Variants in FAM219A observed in about 807,000 individuals in gnomAD.
The protein encoded by FAM219A is family with sequence similarity 219 member A, also known as protein FAM219A.
A neutral mutation model predicts 23.4 loss-of-function variants in FAM219A; 7 were observed. The observed-to-expected ratio is 0.30, with a 90% confidence interval of 0.17 to 0.56. FAM219A has a LOEUF of 0.56. Ranked by LOEUF, FAM219A falls within the 20% of genes least tolerant of loss-of-function variation. The probability of loss-of-function intolerance (pLI) is 0.92; values close to 1 mark genes in which losing one functional copy is unlikely to be tolerated. For synonymous variants in FAM219A, 93 were observed against 99.0 expected (o/e 0.94, Z 0.36); for missense variants, 166 against 246.9 (o/e 0.67, Z 2.20).
chr9:34,438,379 G>A (rs945133191), intron 1 of FAM219A, among the ~76,000 whole-genome samples: 10 of 152,236 alleles, frequency 6.6e-5, no homozygotes, highest in Non-Finnish European at 5.9e-5. Flanking sequence ...GCACCGGTGC[G>A]GGATCCACTG....
At position 34,458,280 on chromosome 9, in the gene FAM219A, C is replaced by G. The variant is rs755590079; in HGVS notation, c.-17G>C. On this transcript the variant is annotated 5_prime_UTR_variant, in exon 1 of 6. Transcript: ENST00000651358. This position sits in a 1 kb window ranked among gnomAD's most constrained non-coding sequence, Gnocchi z 6.6. ...CTCCATCATGGTGCCGGCGGGCGAG[C>G]GGGCCAGGGGCCGGGCGCGGCCGCG... The G allele has an allele frequency of 6.6e-7, 1 of 1,522,730 alleles. No homozygotes were observed. The highest frequency in any genetic ancestry group is 8.8e-7 in the Non-Finnish European group (1 of 1,139,522). The allele number at this position is 1,522,730 out of a possible 1,614,324, so 94.3% of individuals were successfully genotyped here.
intron 1 of FAM219A, among the ~76,000 whole-genome samples, chr9:34,438,038 G>A (rs1222206046): frequency 1.3e-5 from 2 of 152,214 alleles, no homozygotes; most frequent in African/African-American, 4.8e-5. Context: ...TGGCCCTGCC[G>A]GCCAGGGGCA....
chr9:34,400,969 G>C lies in FAM219A; in HGVS notation c.553C>G (p.Gln185Glu). Residue 185 changes from glutamine to glutamate, a missense_variant, in exon 6 of 6, where the codon CAG becomes GAG. Physicochemically the swap from Gln to Glu is conservative, Grantham distance 29. Transcript: ENST00000651358. The stretch of plus-strand genomic sequence containing the variant: ...GACCGCAGTGGCCCCGCCCGCTACT[G>C]AATGTGGCAGGCGGTGGAGGACGTG... ...QATSSTACHI[Q>E] is the part of the protein sequence containing the mutation. 1 of 1,545,462 alleles carries C rather than the reference G, an allele frequency of 6.5e-7. No individual in the cohort carries two copies. Among genetic ancestry groups the C allele is most frequent in the Non-Finnish European group, 8.8e-7 (1 of 1,141,234 alleles).
intron 1 of FAM219A, among the ~76,000 whole-genome samples, chr9:34,448,219 G>C (rs188810425): frequency 1.3e-5 from 2 of 152,274 alleles, no homozygotes; most frequent in East Asian, 3.9e-4. Context: ...TAGCCCCTCA[G>C]TGAAACAGAT....
chr9:34,458,314 C>T lies in FAM219A; in HGVS notation c.-51G>A. 8.1e-7 allele frequency: 1 copy of T among 1,234,342 alleles called. No homozygotes were observed. The allele number at this position is 1,234,342 out of a possible 1,614,324, so 76.5% of individuals were successfully genotyped here. A position where few individuals can be genotyped will look rare whatever the true frequency, so the allele number is the denominator to read the frequency against. On this transcript the variant is annotated 5_prime_UTR_variant, in exon 1 of 6. Transcript: ENST00000651358. The surrounding 1 kb of genome is among the most constrained non-coding windows in gnomAD (Gnocchi z 6.6). ...GGCCGGGCGCGGCCGCGGACGCCGACAGGACCGCGCGGGGCGGCGGCCCCA... is the reference window on the plus strand; with the variant it reads ...GGCCGGGCGCGGCCGCGGACGCCGATAGGACCGCGCGGGGCGGCGGCCCCA...
chr9:34,441,460 G>A (rs1823170586), intron 1 of FAM219A, among the ~76,000 whole-genome samples: 1 of 152,176 alleles, frequency 6.6e-6, no homozygotes. Context: ...AGTGAAGCAG[G>A]GTGGGATACA....
chr9:34,421,005 T>TGAGAGAGAGAGAGAGAGA (rs1413300702), intron 1 of FAM219A, among the ~76,000 whole-genome samples: 28 of 41,504 alleles, frequency 6.7e-4, no homozygotes, highest in African/African-American at 1.9e-3. Flanking sequence ...TGTGTGTGTG[T>TGAGAGAGAGAGAGAGAGA]GTGTGAGAGA....
At chr9:34,416,268 AGGG>A (rs2131952734) in intron 1 of FAM219A, among the ~76,000 whole-genome samples, 6 of 116,860 alleles carry the variant, frequency 5.1e-5, no homozygotes, top group Non-Finnish European at 1.1e-4. Context: ...AGGGGGAGGG[AGGG>A]AGGGAAGGAA....
intron 1 of FAM219A, among the ~76,000 whole-genome samples, chr9:34,455,535 C>G (rs1480563596): frequency 4.0e-5 from 6 of 149,946 alleles, no homozygotes; most frequent in South Asian, 2.1e-4. Context: ...GGTAGGCACA[C>G]GGCTCACTGC....
intron 1 of FAM219A, among the ~76,000 whole-genome samples, chr9:34,450,938 T>C (rs911746231): frequency 6.6e-6 from 1 of 152,192 alleles, no homozygotes; most frequent in Non-Finnish European, 1.5e-5. Context: ...ATGTCCCCTC[T>C]TGCATGCACA....
chr9:34,421,569 C>T (rs1332268491), intron 1 of FAM219A, among the ~76,000 whole-genome samples: 1 of 152,030 alleles, frequency 6.6e-6, no homozygotes, highest in Non-Finnish European at 1.5e-5. Flanking sequence ...CCACCTCGTA[C>T]TCCAGGCATC....
chr9:34,419,865 T>G (rs376127742), intron 1 of FAM219A, among the ~76,000 whole-genome samples: 3 of 152,200 alleles, frequency 2.0e-5, no homozygotes, highest in East Asian at 3.8e-4. Context: ...TTGTCTGCAA[T>G]GGACAATGGA....
intron 1 of FAM219A, among the ~76,000 whole-genome samples, chr9:34,414,602 G>A (rs1368885327): frequency 6.6e-6 from 1 of 152,230 alleles, no homozygotes; most frequent in Non-Finnish European, 1.5e-5. Flanking sequence ...TTCTTATAGG[G>A]ATAAGGTCTT....
intron 1 of FAM219A, among the ~76,000 whole-genome samples, chr9:34,410,208 T>C (rs1257708759): frequency 6.6e-6 from 1 of 152,202 alleles, no homozygotes; most frequent in Non-Finnish European, 1.5e-5. Context: ...CCTCTTCCCT[T>C]GTCCCCCTGC....
chr9:34,438,544 C>T (rs934547359), intron 1 of FAM219A, among the ~76,000 whole-genome samples: 19 of 152,250 alleles, frequency 1.2e-4, no homozygotes, highest in African/African-American at 4.3e-4. Context: ...CTGGTGGGGC[C>T]TTGGAGAACC....
intron 1 of FAM219A, chr9:34,406,447 C>A (rs1406843363): frequency 1.0e-6 from 1 of 985,288 alleles, no homozygotes; most frequent in African/African-American, 1.7e-5. Context: ...TTCACAGGAT[C>A]CAGAGAACTG....
chr9:34,438,037 C>T (rs921043249), intron 1 of FAM219A, among the ~76,000 whole-genome samples: 4 of 152,338 alleles, frequency 2.6e-5, no homozygotes, highest in African/African-American at 4.8e-5. Flanking sequence ...CTGGCCCTGC[C>T]GGCCAGGGGC....
chr9:34,403,887 G>C (rs1164443200), intron 2 of FAM219A, among the ~76,000 whole-genome samples: 1 of 152,126 alleles, frequency 6.6e-6, no homozygotes, highest in East Asian at 1.9e-4. Flanking sequence ...TCTACTCTTT[G>C]ACCCTCTTTC....
intron 2 of FAM219A, among the ~76,000 whole-genome samples, chr9:34,405,383 C>T (rs913019792): frequency 6.6e-6 from 1 of 152,120 alleles, no homozygotes; most frequent in Non-Finnish European, 1.5e-5. Context: ...TTCTAAGAAA[C>T]GAAGGGAAAA....
Sources: gnomAD v4.1 joint callset for allele counts (sites outside exome capture counted in the v4.1 genomes callset) on GRCh38, gnomAD v4.1.1 for gene constraint, Gnocchi (gnomAD v3.1) non-coding constraint, MANE v1.5 for transcripts, NCBI Gene and HGNC (gene_info 2026-07-23, HGNC 2026-07-21) for gene names.